EXOC4: variants seen among roughly 807,000 people sequenced by gnomAD.
EXOC4 encodes the protein SEC8-like 1.
A neutral mutation model predicts 107.2 loss-of-function variants in EXOC4; 71 were observed. That is an observed-to-expected ratio of 0.66 (90% CI 0.55 to 0.81). The LOEUF (loss-of-function observed/expected upper bound fraction) is 0.81, where lower values mean the gene tolerates loss of function less well. Ranked by LOEUF, EXOC4 falls within the 30% of genes least tolerant of loss-of-function variation. EXOC4 has a pLI of 0.00. For synonymous variants in EXOC4, 456 were observed against 441.2 expected (o/e 1.03, Z -0.42); for missense variants, 1,108 against 1,189.6 (o/e 0.93, Z 1.01).
intron 9 of EXOC4, among the ~76,000 whole-genome samples, chr7:133,520,455 C>T (rs1228904598): frequency 6.6e-6 from 1 of 151,914 alleles, no homozygotes; most frequent in Non-Finnish European, 1.5e-5. Context: ...GAAATGCTGA[C>T]AAATGCATTT....
At chr7:133,482,223 C>T (rs1799174350) in intron 9 of EXOC4, among the ~76,000 whole-genome samples, 1 of 152,030 alleles carries the variant, frequency 6.6e-6, no homozygotes, top group Non-Finnish European at 1.5e-5. Flanking sequence ...TATAAGGTCC[C>T]AGCTAAATTG....
At chr7:133,956,721 A>G (rs1228925926) in intron 14 of EXOC4, among the ~76,000 whole-genome samples, 1 of 152,228 alleles carries the variant, frequency 6.6e-6, no homozygotes, top group African/African-American at 2.4e-5. Flanking sequence ...TGAAACTCAC[A>G]TAACAGAACT....
chr7:133,745,609 C>T (rs932790401), intron 10 of EXOC4, among the ~76,000 whole-genome samples: 1 of 151,246 alleles, frequency 6.6e-6, no homozygotes, highest in Admixed American at 6.6e-5. Context: ...GACGTGATCA[C>T]AGCTATTAAA....
chr7:133,909,504 C>T (rs1287042884), intron 12 of EXOC4, among the ~76,000 whole-genome samples: 1 of 151,964 alleles, frequency 6.6e-6, no homozygotes, highest in Non-Finnish European at 1.5e-5. Context: ...GGAGCAAGTC[C>T]GAAGATGGGA....
chr7:133,752,076 T>A (rs1795806324), intron 10 of EXOC4, among the ~76,000 whole-genome samples: 1 of 152,044 alleles, frequency 6.6e-6, no homozygotes, highest in Admixed American at 6.6e-5. Context: ...CAGGAGGATC[T>A]CAGGAGCCCA....
Position 133,934,683 on chromosome 7 carries a change from C to T in EXOC4, c.2028-3208C>T, listed in dbSNP as rs769133279. On this transcript the variant is annotated intron_variant, in intron 13 of 17. Transcript: ENST00000253861. Reference sequence around the variant, plus strand: ...AGCCTGGTTTTCAAAGCCATTTGCCCCCCGCTGTTGCTTTTTCACCACCCA... The same window carrying T: ...AGCCTGGTTTTCAAAGCCATTTGCCTCCCGCTGTTGCTTTTTCACCACCCA... 7.2e-5 allele frequency among the ~76,000 whole-genome samples: 11 copies of T among 152,092 alleles called. No individual in the cohort carries two copies. The South Asian group carries it at 8.3e-4, about 11-fold the overall frequency.
rs1554477961 is a variant in EXOC4 at position 133,604,706 on chromosome 7, C to CTTTTTTTT, written c.1418-25336_1418-25335insTTTTTTTT. On this transcript the variant is annotated intron_variant, in intron 9 of 17. Transcript: ENST00000253861. ...TTTTTCTTTCCTTCCTTCCTTCCTT[C>CTTTTTTTT]TTTCTTTTTTTTTTTTTTTTTTTTT... is the stretch of plus-strand genomic sequence containing the variant. Among the ~76,000 whole-genome samples the CTTTTTTTT allele has an allele frequency of 7.3e-3, 634 of 87,412 alleles. 75 individuals are homozygous for CTTTTTTTT. Among genetic ancestry groups the CTTTTTTTT allele is most frequent in the Non-Finnish European group, 8.9e-3 (393 of 43,968 alleles). 57.3% of individuals were successfully genotyped at this position (87,412 alleles called of 152,430 possible). A position where few individuals can be genotyped will look rare whatever the true frequency, so the allele number is the denominator to read the frequency against.
At chr7:133,373,890 A>G (rs1796430239) in intron 6 of EXOC4, among the ~76,000 whole-genome samples, 1 of 152,242 alleles carries the variant, frequency 6.6e-6, no homozygotes, top group South Asian at 2.1e-4. Flanking sequence ...AGTGAGGTAA[A>G]GTATCTATAT....
At chr7:133,329,401 C>T (rs1370502825) in intron 5 of EXOC4, among the ~76,000 whole-genome samples, 1 of 152,126 alleles carries the variant, frequency 6.6e-6, no homozygotes, top group Non-Finnish European at 1.5e-5. Context: ...TTATTACCGA[C>T]CTTCTGAAGC....
chr7:133,662,797 A>G (rs1374508364), intron 10 of EXOC4, among the ~76,000 whole-genome samples: 1 of 152,166 alleles, frequency 6.6e-6, no homozygotes, highest in African/African-American at 2.4e-5. Context: ...CCTAGGAAGT[A>G]TTTTGCTAAG....
intron 14 of EXOC4, among the ~76,000 whole-genome samples, chr7:133,947,526 A>G (rs955794232): frequency 6.6e-6 from 1 of 152,150 alleles, no homozygotes; most frequent in Admixed American, 6.5e-5. Context: ...TTGTTCTTCA[A>G]AACTACAAAA....
At chr7:133,352,115 A>G (rs1437009265) in intron 5 of EXOC4, among the ~76,000 whole-genome samples, 1 of 151,900 alleles carries the variant, frequency 6.6e-6, no homozygotes, top group African/African-American at 2.4e-5. Flanking sequence ...GTCCTGGAAA[A>G]TGTCCCATGT....
At chr7:133,447,145 T>G (rs1274749318) in intron 7 of EXOC4, among the ~76,000 whole-genome samples, 1 of 152,222 alleles carries the variant, frequency 6.6e-6, no homozygotes, top group Non-Finnish European at 1.5e-5. Flanking sequence ...TTCATCATTT[T>G]ATAGTCACTT....
chr7:134,064,364 A>G lies in EXOC4; in HGVS notation c.2761A>G (p.Thr921Ala). ...NLVVDQGVKY[T>A]ELEYIHALTL... The stretch of plus-strand genomic sequence containing the variant: ...GGTGGTGGACCAGGGTGTGAAGTAC[A>G]CGGAGCTGGAGTACATCCACGCTCT... The change falls in exon 18 of 18, where the codon ACG (threonine) becomes GCG (alanine). Residue 921 changes from threonine (T) to alanine (A), a missense_variant. Physicochemically the swap from Thr to Ala is moderately conservative, Grantham distance 58. Coordinates refer to ENST00000253861, the MANE Select transcript of EXOC4 (RefSeq NM_021807.4). 1 of 1,560,948 alleles carries G rather than the reference A, an allele frequency of 6.4e-7. No homozygotes were observed. The highest frequency in any genetic ancestry group is 2.4e-5 in the East Asian group (1 of 42,502).
At chr7:133,908,639 C>T (rs548366299) in intron 12 of EXOC4, among the ~76,000 whole-genome samples, 4 of 152,284 alleles carry the variant, frequency 2.6e-5, no homozygotes, top group South Asian at 4.2e-4. Flanking sequence ...GTACCTACCA[C>T]GCAGGGTGGT....
chr7:133,433,731 C>A (rs1797905778), intron 7 of EXOC4, among the ~76,000 whole-genome samples: 1 of 152,148 alleles, frequency 6.6e-6, no homozygotes, highest in African/African-American at 2.4e-5. Context: ...CTTTATTGTT[C>A]AATGGCACCT....
intron 10 of EXOC4, among the ~76,000 whole-genome samples, chr7:133,650,483 G>T (rs1420196818): frequency 6.6e-6 from 1 of 151,970 alleles, no homozygotes; most frequent in Non-Finnish European, 1.5e-5. Flanking sequence ...TCTTCAAATT[G>T]GTGGGTTTTT....
chr7:133,910,492 A>C (rs1046428893), intron 12 of EXOC4, among the ~76,000 whole-genome samples: 3 of 152,232 alleles, frequency 2.0e-5, no homozygotes, highest in African/African-American at 7.2e-5. Flanking sequence ...ATACACTATC[A>C]TAAAGCTCTC....
intron 10 of EXOC4, among the ~76,000 whole-genome samples, chr7:133,630,397 C>G (rs1036003244): frequency 2.0e-5 from 3 of 151,862 alleles, no homozygotes; most frequent in Admixed American, 1.3e-4. Flanking sequence ...CCTCTCCTGC[C>G]CTCTTCCCTT....
Sources: allele counts gnomAD v4.1 joint callset (sites outside exome capture counted in the v4.1 genomes callset), GRCh38; gene constraint gnomAD v4.1.1; transcripts MANE v1.5; gene names NCBI Gene and HGNC (gene_info 2026-07-23, HGNC 2026-07-21).